Variants in RELN observed in about 807,000 individuals in gnomAD.
RELN encodes reelin.
RELN carries 108 observed loss-of-function variants against 427.6 expected under a neutral mutation model. That is an observed-to-expected ratio of 0.25 (90% CI 0.22 to 0.30). The LOEUF is 0.30. Among genes scored for constraint, RELN ranks in the 10% least tolerant of loss-of-function variants. The pLI is 1.00. For missense variants in RELN, 3,715 were observed against 4,302.8 expected (o/e 0.86, Z 3.82); for synonymous variants, 1,524 against 1,513.4 (o/e 1.01, Z -0.16).
intron 1 of RELN, among the ~76,000 whole-genome samples, chr7:103,938,871 AG>A (rs1208219306): frequency 6.6e-6 from 1 of 152,186 alleles, no homozygotes; most frequent in Non-Finnish European, 1.5e-5. Flanking sequence ...GTGATCATGA[AG>A]GGAAAACTTA....
At chr7:103,973,451 G>A (rs1381775830) in intron 1 of RELN, among the ~76,000 whole-genome samples, 1 of 151,730 alleles carries the variant, frequency 6.6e-6, no homozygotes, top group Non-Finnish European at 1.5e-5. Context: ...AAAGCAATAT[G>A]AGAAAACAAA....
At chr7:103,880,779 A>G (rs1347364471) in intron 2 of RELN, among the ~76,000 whole-genome samples, 1 of 152,094 alleles carries the variant, frequency 6.6e-6, no homozygotes, top group African/African-American at 2.4e-5. Flanking sequence ...TGCAGCCTCA[A>G]CTTTCTGGGC....
intron 2 of RELN, among the ~76,000 whole-genome samples, chr7:103,846,651 T>C (rs1191979732): frequency 1.3e-5 from 2 of 152,022 alleles, no homozygotes; most frequent in African/African-American, 4.8e-5. Flanking sequence ...ACCTACAAAG[T>C]GTGAGAAAAT....
intron 1 of RELN, among the ~76,000 whole-genome samples, chr7:103,971,015 G>A (rs1796752701): frequency 6.6e-6 from 1 of 152,094 alleles, no homozygotes; most frequent in African/African-American, 2.4e-5. Flanking sequence ...AGCCGGGTGT[G>A]GTCGCGGGCA....
chr7:103,682,839 A>G (rs1833684097), intron 10 of RELN, among the ~76,000 whole-genome samples: 1 of 152,260 alleles, frequency 6.6e-6, no homozygotes, highest in South Asian at 2.1e-4. Flanking sequence ...TACTATCCCA[A>G]ATGAGGAACT....
intron 8 of RELN, among the ~76,000 whole-genome samples, chr7:103,712,454 AG>A: frequency 6.6e-6 from 1 of 152,344 alleles, no homozygotes; most frequent in South Asian, 2.1e-4. Context: ...ACAGCCATAT[AG>A]GTCCATAATC....
chr7:103,822,976 T>C (rs1793046422), intron 3 of RELN, among the ~76,000 whole-genome samples: 1 of 152,060 alleles, frequency 6.6e-6, no homozygotes, highest in African/African-American at 2.4e-5. Context: ...TTCATAATAC[T>C]ACCTGCAATT....
chr7:103,935,662 C>T (rs1795966028), intron 1 of RELN, among the ~76,000 whole-genome samples: 1 of 152,132 alleles, frequency 6.6e-6, no homozygotes, highest in Non-Finnish European at 1.5e-5. Flanking sequence ...AGACTAGACC[C>T]GTATTTGACA....
intron 1 of RELN, among the ~76,000 whole-genome samples, chr7:103,940,787 T>C (rs1252056670): frequency 6.6e-6 from 1 of 152,224 alleles, no homozygotes; most frequent in Non-Finnish European, 1.5e-5. Flanking sequence ...GGATAATGGA[T>C]TCAGAGAAGA....
At chr7:103,705,881 C>G (rs1197877789) in intron 8 of RELN, among the ~76,000 whole-genome samples, 1 of 152,158 alleles carries the variant, frequency 6.6e-6, no homozygotes, top group African/African-American at 2.4e-5. Context: ...AGAAAAGTAC[C>G]TAGACAACAG....
intron 28 of RELN, among the ~76,000 whole-genome samples, chr7:103,582,860 T>A (rs1831185471): frequency 6.6e-6 from 1 of 152,212 alleles, no homozygotes; most frequent in South Asian, 2.1e-4. Context: ...ACTCTCAATC[T>A]CTATGGTTTA....
At position 103,493,702 on chromosome 7, in the gene RELN, G is replaced by A. The variant is rs529752369; in HGVS notation, c.9370-1676C>T. On this transcript the variant is annotated intron_variant, in intron 57 of 64. Coordinates refer to ENST00000428762, the MANE Select transcript of RELN (RefSeq NM_005045.4). ...TAAGAAGATAACAGATATCAAAGAG[G>A]TAGAAGGAGAACGAGCAGAGAACCC... Among the ~76,000 whole-genome samples the A allele has an allele frequency of 2.0e-5, 3 of 152,226 alleles. No individual in the cohort carries two copies. The South Asian group carries it at 6.2e-4, about 32-fold the overall frequency.
intron 11 of RELN, among the ~76,000 whole-genome samples, chr7:103,680,016 G>C (rs1004480850): frequency 2.6e-5 from 4 of 152,146 alleles, no homozygotes; most frequent in African/African-American, 7.2e-5. Context: ...TTATAGACAG[G>C]CTTTGCTAAT....
intron 36 of RELN, 49 bp from the exon 37 acceptor site, chr7:103,558,098 T>C (rs1367566009): frequency 2.3e-6 from 2 of 865,226 alleles, no homozygotes; most frequent in East Asian, 2.4e-5. Context: ...ACTTGCAAAA[T>C]TGTATCCCTT....
rs184326326 is a variant in RELN at position 103,777,706 on chromosome 7, C to T, written c.474-1079G>A. On this transcript the variant is annotated intron_variant, in intron 3 of 64. Coordinates refer to ENST00000428762, the MANE Select transcript of RELN (RefSeq NM_005045.4). ...TGGCCCACGTGTGGATGCACCTTTC[C>T]CCTCCCTTCTGCAGACCTTTCTGAA... 2.4e-4 allele frequency among the ~76,000 whole-genome samples: 37 copies of T among 152,252 alleles called. No individual in the cohort carries two copies. In the East Asian group the frequency reaches 6.6e-3, roughly 27 times the overall value.
intron 44 of RELN, 101 bp downstream of exon 44, chr7:103,540,095 TG>T (rs1830144262): frequency 7.5e-7 from 1 of 1,328,874 alleles, no homozygotes; most frequent in Non-Finnish European, 1.1e-6. Flanking sequence ...CTGTCAGTTC[TG>T]GGTTTCATCT....
chr7:103,703,286 T>C (rs1330687575), intron 8 of RELN, among the ~76,000 whole-genome samples: 1 of 152,188 alleles, frequency 6.6e-6, no homozygotes, highest in East Asian at 1.9e-4. Flanking sequence ...CCGCCCGGTG[T>C]AGCTGTATGT....
chr7:103,675,874 T>C (rs1645669247), intron 11 of RELN, among the ~76,000 whole-genome samples: 2 of 90,048 alleles, frequency 2.2e-5, no homozygotes, highest in East Asian at 3.4e-4. Context: ...TTACACCTTA[T>C]ACAAAAATTA....
chr7:103,856,786 A>G (rs1793958255), intron 2 of RELN, among the ~76,000 whole-genome samples: 1 of 151,922 alleles, frequency 6.6e-6, no homozygotes, highest in Non-Finnish European at 1.5e-5. Context: ...GTGGCCAAAT[A>G]TTTTTTACTA....
Sources: allele counts gnomAD v4.1 joint callset (sites outside exome capture counted in the v4.1 genomes callset), GRCh38; gene constraint gnomAD v4.1.1; transcripts MANE v1.5; gene names NCBI Gene and HGNC (gene_info 2026-07-23, HGNC 2026-07-21).